C10orf71: variants seen among roughly 807,000 people sequenced by gnomAD.
C10orf71 encodes the protein chromosome 10 open reading frame 71, also known as cardiac-enriched FHL2-interacting protein.
For missense variants in C10orf71, 1,869 were observed against 1,804.5 expected, an observed-to-expected ratio of 1.04 and a Z score of -0.65; for synonymous variants, 758 against 726.3, an observed-to-expected ratio of 1.04 and a Z score of -0.70.
At position 49,323,844 on chromosome 10, in the gene C10orf71, C is replaced by A. The variant is rs751302770; in HGVS notation, c.1299C>A (p.Pro433=). Residue 433 remains proline (P), a synonymous_variant, in exon 3 of 3, where the codon CCC becomes CCA. Transcript: ENST00000374144. The part of the protein sequence containing the change: ...ENNALDLPVE[P]NEHYDPPFNI... Reference sequence around the variant, plus strand: ...ATGCTCTTGACCTGCCTGTGGAACCCAATGAACATTATGATCCCCCCTTTA... The same window carrying A: ...ATGCTCTTGACCTGCCTGTGGAACCAAATGAACATTATGATCCCCCCTTTA... The A allele has an allele frequency of 1.1e-5, 18 of 1,613,796 alleles. No homozygotes were observed. The highest frequency in any genetic ancestry group is 1.4e-5 in the Non-Finnish European group (17 of 1,179,882).
chr10:49,298,224 C>T (rs1267541264), upstream of C10orf71, among the ~76,000 whole-genome samples: 1 of 152,236 alleles, frequency 6.6e-6, no homozygotes, highest in African/African-American at 2.4e-5. Flanking sequence ...ACACAGCACA[C>T]TGCAAACTTG....
intron 2 of C10orf71, among the ~76,000 whole-genome samples, chr10:49,321,897 G>A (rs7095937): frequency 0.019 from 2,893 of 152,152 alleles, 74 homozygotes; most frequent in African/African-American, 0.061. Context: ...TTAAATCAGC[G>A]GGTTTGGGGT....
chr10:49,301,661 C>A (rs114720698), intron 1 of C10orf71, among the ~76,000 whole-genome samples: 2,097 of 152,318 alleles, frequency 0.014, 48 homozygotes, highest in African/African-American at 0.048. Context: ...GAGCAGAACT[C>A]AGCTGACCTG....
At position 49,324,515 on chromosome 10, in the gene C10orf71, G is replaced by C. The variant is rs774226085; in HGVS notation, c.1970G>C (p.Gly657Ala). 84 of 1,612,392 alleles carry C rather than the reference G, an allele frequency of 5.2e-5. 1 individual carries two copies. The Admixed American group carries it at 1.4e-3, about 27-fold the overall frequency. Reference sequence around the variant, plus strand: ...CTTTGCAATAGGGATCCTGAGCCTGGAGGGGCTACAGAGAAAATGAAGACC... The same window carrying C: ...CTTTGCAATAGGGATCCTGAGCCTGCAGGGGCTACAGAGAAAATGAAGACC... ...LRLCNRDPEP[G>A]GATEKMKTHQ... The change falls in exon 3 of 3, where the codon GGA (glycine) becomes GCA (alanine). Residue 657 changes from glycine (G) to alanine (A), a missense_variant. Gly to Ala is a moderately conservative substitution (Grantham distance 60, BLOSUM62 0). Coordinates refer to ENST00000374144, the MANE Select transcript of C10orf71 (RefSeq NM_001135196.2).
intron 1 of C10orf71, among the ~76,000 whole-genome samples, chr10:49,308,693 A>G (rs1009600526): frequency 2.0e-5 from 3 of 152,246 alleles, no homozygotes; most frequent in African/African-American, 2.4e-5. Context: ...GCACATGGCT[A>G]TATCTCCAGC....
rs60174377 is a variant in C10orf71, at chr10:49,319,682, CTATATATATATATATATATATATATATA to C, written c.-144-2695_-144-2668del. Among the ~76,000 whole-genome samples, 180 of 117,806 alleles carry C rather than the reference CTATATATATATATATATATATATATATA, an allele frequency of 1.5e-3. 2 individuals carry two copies. The highest frequency in any genetic ancestry group is 6.0e-3 in the African/African-American group (164 of 27,328). 77.3% of individuals were successfully genotyped at this position (117,806 alleles called of 152,430 possible). On this transcript the variant is annotated intron_variant, in intron 2 of 2. Transcript: ENST00000374144. ...GTATATATATGTACACACACACAAGCTATATATATATATATATATATATATATATATATATATATATATATATATATAC... is the reference window on the plus strand; with the variant it reads ...GTATATATATGTACACACACACAAGCTATATATATATATATATATATATAC...
chr10:49,317,506 C>T (rs143287088), intron 2 of C10orf71, among the ~76,000 whole-genome samples: 48 of 152,262 alleles, frequency 3.2e-4, no homozygotes, highest in African/African-American at 1.0e-3. Context: ...TACTTAAAGA[C>T]GAGGTTATTA....
intron 1 of C10orf71, among the ~76,000 whole-genome samples, chr10:49,313,343 G>T (rs905104769): frequency 3.3e-5 from 5 of 152,206 alleles, no homozygotes; most frequent in African/African-American, 1.2e-4. Flanking sequence ...AGGAAGTAGG[G>T]TGGCATGAAG....
At position 49,324,308 on chromosome 10, in the gene C10orf71, A is replaced by C. The variant is rs764393943; in HGVS notation, c.1763A>C (p.Tyr588Ser). ...CCCAGTGAGCCCTCTGCAGACAGCT[A>C]TCTAACTCTTAGCACAGCTCCGACT... is the stretch of plus-strand genomic sequence containing the variant. ...ADPSEPSADSYLTLSTAPTIA... is the reference protein window; with the variant it reads ...ADPSEPSADSSLTLSTAPTIA... Residue 588 changes from tyrosine (Y) to serine (S), a missense_variant, in exon 3 of 3, where the codon TAT becomes TCT. Coordinates refer to ENST00000374144, the MANE Select transcript of C10orf71 (RefSeq NM_001135196.2). 67 of 1,613,826 alleles carry C rather than the reference A, an allele frequency of 4.2e-5. No homozygotes were observed. Among genetic ancestry groups the C allele is most frequent in the Non-Finnish European group, 5.6e-5 (66 of 1,179,880 alleles).
intron 1 of C10orf71, among the ~76,000 whole-genome samples, chr10:49,306,711 C>G (rs1848819967): frequency 6.6e-6 from 1 of 152,238 alleles, no homozygotes; most frequent in African/African-American, 2.4e-5. Flanking sequence ...ATGGGGTCCA[C>G]TTACTTGCAG....
chr10:49,306,789 A>G (rs1848821334), intron 1 of C10orf71, among the ~76,000 whole-genome samples: 1 of 152,220 alleles, frequency 6.6e-6, no homozygotes, highest in African/African-American at 2.4e-5. Context: ...GCTAAAGGGC[A>G]CAGAGCAGCA....
Position 49,324,419 on chromosome 10 carries a change from T to A in C10orf71, c.1874T>A (p.Met625Lys). ...ENKEVEGELE[M>K]GPAGSSWCPD... ...AAGGAGGTGGAAGGAGAGTTGGAGATGGGTCCTGCCGGATCCAGCTGGTGT... is the reference window on the plus strand; with the variant it reads ...AAGGAGGTGGAAGGAGAGTTGGAGAAGGGTCCTGCCGGATCCAGCTGGTGT... The change falls in exon 3 of 3, where the codon ATG (methionine) becomes AAG (lysine). Residue 625 changes from methionine to lysine, a missense_variant. Met to Lys is a moderately conservative substitution (Grantham distance 95). Transcript: ENST00000374144. 1 of 1,611,508 alleles carries A rather than the reference T, an allele frequency of 6.2e-7. No homozygotes were observed. The highest frequency in any genetic ancestry group is 2.2e-5 in the East Asian group (1 of 44,816).
chr10:49,325,443 G>T lies in C10orf71; in HGVS notation c.2898G>T (p.Glu966Asp). 6.5e-7 allele frequency: 1 copy of T among 1,550,080 alleles called. No individual in the cohort carries two copies. The highest frequency in any genetic ancestry group is 8.7e-7 in the Non-Finnish European group (1 of 1,145,762). ...TCCCATCTATGCCTCTGGTGGGAGA[G>T]GGGGACCGGGTGAAGGCACCACCAG... is the stretch of plus-strand genomic sequence containing the variant. ...GNFPSMPLVG[E>D]GDRVKAPPDA... is the part of the protein sequence containing the mutation. The change falls in exon 3 of 3, where the codon GAG (glutamate) becomes GAT (aspartate). Residue 966 changes from glutamate (E) to aspartate (D), a missense_variant. By Grantham distance (45) the Glu-to-Asp change is conservative. Transcript: ENST00000374144.
At chr10:49,307,438 C>G (rs942947239) in intron 1 of C10orf71, among the ~76,000 whole-genome samples, 1 of 152,240 alleles carries the variant, frequency 6.6e-6, no homozygotes, top group Non-Finnish European at 1.5e-5. Flanking sequence ...ATCTGGCCAC[C>G]AGGAGTTCCA....
At chr10:49,299,070 A>G (rs1276455895), upstream of C10orf71, 2 of 152,304 alleles carry the variant, frequency 1.3e-5, no homozygotes, top group East Asian at 1.9e-4. Flanking sequence ...CTCACTCCCC[A>G]AGTGATCTGT....
intron 2 of C10orf71, among the ~76,000 whole-genome samples, chr10:49,319,629 A>G (rs1369524971): frequency 4.4e-5 from 5 of 114,790 alleles, no homozygotes; most frequent in East Asian, 4.6e-4. Context: ...GTGTTCATCA[A>G]TGGAGGAATG....
chr10:49,298,689 C>T (rs906534699), upstream of C10orf71: 4 of 152,256 alleles, frequency 2.6e-5, no homozygotes, highest in African/African-American at 9.6e-5. Context: ...TGGACACTTA[C>T]CTTGCCTCTT....
At chr10:49,306,139 T>G (rs1314736607) in intron 1 of C10orf71, among the ~76,000 whole-genome samples, 1 of 152,220 alleles carries the variant, frequency 6.6e-6, no homozygotes, top group Non-Finnish European at 1.5e-5. Flanking sequence ...GGGGCTGCAA[T>G]GGTCAGGGCC....
At chr10:49,303,374 C>T (rs1848759998) in intron 1 of C10orf71, among the ~76,000 whole-genome samples, 1 of 152,192 alleles carries the variant, frequency 6.6e-6, no homozygotes, top group South Asian at 2.1e-4. Flanking sequence ...AGACATGGCA[C>T]AAACCACAGC....
Sources: allele counts gnomAD v4.1 joint callset (sites outside exome capture counted in the v4.1 genomes callset), GRCh38; gene constraint gnomAD v4.1.1; transcripts MANE v1.5; gene names NCBI Gene and HGNC (gene_info 2026-07-23, HGNC 2026-07-21).